The following CTNND2 variants were observed in gnomAD, a reference collection of about 807,000 sequenced individuals.
CTNND2 encodes catenin delta-2.
CTNND2 carries 22 observed loss-of-function variants against 144.4 expected under a neutral mutation model. The observed-to-expected ratio is 0.15, with a 90% CI of 0.11 to 0.22. CTNND2 has a LOEUF of 0.22. Ranked by LOEUF, CTNND2 falls within the 10% of genes least tolerant of loss-of-function variation. The pLI, the probability that CTNND2 is intolerant of heterozygous loss-of-function variation, is 1.00. For missense variants in CTNND2, 1,353 were observed against 1,618.8 expected (o/e 0.84, Z 2.82); for synonymous variants, 751 against 695.6 (o/e 1.08, Z -1.25).
chr5:11,063,696 T>G (rs1352703588), intron 16 of CTNND2, among the ~76,000 whole-genome samples: 2 of 152,080 alleles, frequency 1.3e-5, no homozygotes. Flanking sequence ...GGTATCCAGA[T>G]TTTTAAAGAC....
chr5:11,312,273 AC>A (rs962538678), intron 9 of CTNND2, among the ~76,000 whole-genome samples: 3 of 126,896 alleles, frequency 2.4e-5, no homozygotes, highest in Admixed American at 8.7e-5. Flanking sequence ...CTCTCCCCCT[AC>A]CCCCCCAACA....
chr5:11,199,722 A>T, intron 10 of CTNND2, 61 bp from the exon 11 acceptor site: 1 of 1,267,716 alleles, frequency 7.9e-7, no homozygotes, highest in Non-Finnish European at 1.1e-6. Context: ...CCTACACCAA[A>T]ACATGTTTTT....
chr5:10,976,402 G>A (rs536500784), intron 21 of CTNND2, among the ~76,000 whole-genome samples: 10 of 152,234 alleles, frequency 6.6e-5, no homozygotes, highest in Admixed American at 3.3e-4. Flanking sequence ...GCATCAGCCA[G>A]ATTTGGATGA....
intron 3 of CTNND2, among the ~76,000 whole-genome samples, chr5:11,445,707 T>G (rs1764736790): frequency 1.3e-5 from 2 of 152,248 alleles, no homozygotes; most frequent in Admixed American, 1.3e-4. Context: ...GGAGGAAATT[T>G]TGACAGAACA....
At position 11,662,118 on chromosome 5, in the gene CTNND2, T is replaced by TAC. The variant is rs1783246623; in HGVS notation, c.174+70017_174+70018insGT. The stretch of plus-strand genomic sequence containing the variant: ...ATATACACATATTTATGTGTGTGTG[T>TAC]ATATATATATACATATATGTATATA... On this transcript the variant is annotated intron_variant, in intron 2 of 21. Coordinates refer to ENST00000304623, the MANE Select transcript of CTNND2 (RefSeq NM_001332.4). Among the ~76,000 whole-genome samples, 10 of 137,178 alleles carry TAC rather than the reference T, an allele frequency of 7.3e-5. No homozygotes were observed. The South Asian group carries it at 2.2e-3, about 30-fold the overall frequency. 90.0% of individuals were successfully genotyped at this position (137,178 alleles called of 152,430 possible). A position where few individuals can be genotyped will look rare whatever the true frequency, so the allele number is the denominator to read the frequency against.
intron 3 of CTNND2, among the ~76,000 whole-genome samples, chr5:11,548,288 A>G (rs1028045603): frequency 2.0e-5 from 3 of 152,218 alleles, no homozygotes; most frequent in Admixed American, 6.5e-5. Context: ...AGTGGAAGAG[A>G]GACAATGAGG....
intron 1 of CTNND2, among the ~76,000 whole-genome samples, chr5:11,860,420 A>T (rs1043897392): frequency 6.6e-6 from 1 of 152,260 alleles, no homozygotes; most frequent in African/African-American, 2.4e-5. Flanking sequence ...ACAGAGGTTT[A>T]TAACCAATTC....
intron 9 of CTNND2, among the ~76,000 whole-genome samples, chr5:11,310,232 T>A (rs778965576): frequency 6.6e-6 from 1 of 152,102 alleles, no homozygotes; most frequent in Non-Finnish European, 1.5e-5. Context: ...TTCCTGCTCA[T>A]GGGGTCTGAC....
Position 10,981,804 on chromosome 5 carries a change from C to T in CTNND2, c.3386G>A (p.Gly1129Asp). The change falls in exon 21 of 22, where the codon GGT becomes GAT. Residue 1129 changes from glycine (G) to aspartate (D), a missense_variant. By Grantham distance (94) the Gly-to-Asp change is moderately conservative (BLOSUM62 -1). This residue lies in a region of CTNND2 where 459 missense variants were observed against 674.3 expected (regional missense o/e 0.68). Coordinates refer to ENST00000304623, the MANE Select transcript of CTNND2 (RefSeq NM_001332.4). The stretch of plus-strand genomic sequence containing the variant: ...GTGTTTGATGTCTTCAGCGGGCGCA[C>T]CATAAGAATTCCTATACAAAGTTGA... The part of the protein sequence containing the change: ...GISTLYRNSY[G>D]APAEDIKHNQ... 6.2e-7 allele frequency: 1 copy of T among 1,613,882 alleles called. No individual in the cohort carries two copies. Among genetic ancestry groups the T allele is most frequent in the Non-Finnish European group, 8.5e-7 (1 of 1,179,938 alleles).
chr5:11,638,441 T>C (rs1009717479), intron 2 of CTNND2, among the ~76,000 whole-genome samples: 2 of 152,226 alleles, frequency 1.3e-5, no homozygotes, highest in Non-Finnish European at 2.9e-5. Flanking sequence ...GTCTTAATTC[T>C]CCTTATCTCT....
intron 9 of CTNND2, among the ~76,000 whole-genome samples, chr5:11,329,363 C>A (rs1752848667): frequency 6.6e-6 from 1 of 152,126 alleles, no homozygotes; most frequent in South Asian, 2.1e-4. Context: ...TCATGGTGGC[C>A]AGGCTGGTCT....
chr5:10,974,360 C>G (rs1020500008), intron 21 of CTNND2, among the ~76,000 whole-genome samples: 1 of 152,192 alleles, frequency 6.6e-6, no homozygotes, highest in African/African-American at 2.4e-5. Context: ...CTCAATGTAG[C>G]AAAACTGCAC....
At chr5:11,893,880 T>C (rs541916135) in intron 1 of CTNND2, among the ~76,000 whole-genome samples, 1 of 152,172 alleles carries the variant, frequency 6.6e-6, no homozygotes, top group Non-Finnish European at 1.5e-5. Context: ...GAAATTGCTA[T>C]AGGCAGTCAG....
At chr5:11,585,484 ATATC>A (rs57085841) in intron 2 of CTNND2, among the ~76,000 whole-genome samples, 1,895 of 150,080 alleles carry the variant, frequency 0.013, 19 homozygotes, top group African/African-American at 0.025. Context: ...TTATCTATGT[ATATC>A]TATCTATCTA....
At chr5:10,978,186 A>T (rs892625114) in intron 21 of CTNND2, among the ~76,000 whole-genome samples, 4 of 152,184 alleles carry the variant, frequency 2.6e-5, no homozygotes, top group Non-Finnish European at 5.9e-5. Context: ...TTCTGGGGTA[A>T]CTTTTGGCCC....
intron 18 of CTNND2, among the ~76,000 whole-genome samples, chr5:11,017,685 G>A (rs529739595): frequency 6.7e-6 from 1 of 148,218 alleles, no homozygotes; most frequent in East Asian, 2.0e-4. Flanking sequence ...GTCATTACTT[G>A]TTAGTCTACT....
At chr5:11,164,641 G>T (rs546817649) in intron 11 of CTNND2, among the ~76,000 whole-genome samples, 1 of 152,274 alleles carries the variant, frequency 6.6e-6, no homozygotes, top group South Asian at 2.1e-4. Context: ...TTGTGTCGCA[G>T]ATCCCTGGAC....
chr5:11,159,886 A>G, intron 11 of CTNND2, 127 bp from the exon 12 acceptor site: 3 of 661,858 alleles, frequency 4.5e-6, no homozygotes, highest in Non-Finnish European at 7.4e-6. Flanking sequence ...CACATCCTAG[A>G]GTGTGTCCTT....
chr5:11,459,096 T>C (rs963789921), intron 3 of CTNND2, among the ~76,000 whole-genome samples: 130 of 152,250 alleles, frequency 8.5e-4, no homozygotes, highest in African/African-American at 3.0e-3. Flanking sequence ...AAGGAATCAA[T>C]AAATAAGGTG....
Sources: allele counts gnomAD v4.1 joint callset (sites outside exome capture counted in the v4.1 genomes callset), GRCh38; gene constraint gnomAD v4.1.1; regional missense constraint gnomAD v4.1.1; transcripts MANE v1.5; gene names NCBI Gene and HGNC (gene_info 2026-07-23, HGNC 2026-07-21).